The following MALRD1 variants were observed in gnomAD, a reference collection of about 807,000 sequenced individuals.
MALRD1 encodes MAM and LDL-receptor class A domain-containing protein 1.
A neutral mutation model predicts 242.1 loss-of-function variants in MALRD1; 247 were observed. The observed-to-expected ratio is 1.02, with a 90% confidence interval of 0.92 to 1.13. The LOEUF is 1.13. Ranked by LOEUF, MALRD1 falls within the 50% of genes most tolerant of loss-of-function variation. The pLI is 0.00. For synonymous variants in MALRD1, 995 were observed against 866.6 expected, an observed-to-expected ratio of 1.15 and a Z score of -2.60; for missense variants, 2,989 against 2,533.1, an observed-to-expected ratio of 1.18 and a Z score of -3.86.
At chr10:19,498,786 C>T in intron 31 of MALRD1, 140 bp downstream of exon 31, 1 of 1,011,678 alleles carries the variant, frequency 9.9e-7, no homozygotes, top group Non-Finnish European at 1.4e-6. Context: ...GAGGGCTAGT[C>T]TCTTCTATTG....
chr10:19,283,812 T>C (rs147859293), intron 21 of MALRD1, among the ~76,000 whole-genome samples: 49 of 152,360 alleles, frequency 3.2e-4, no homozygotes, highest in African/African-American at 1.1e-3. Flanking sequence ...AATTTCACGT[T>C]ATCTCAATAT....
intron 31 of MALRD1, among the ~76,000 whole-genome samples, chr10:19,507,567 A>G (rs1433209537): frequency 6.6e-6 from 1 of 152,190 alleles, no homozygotes. Flanking sequence ...CTGAAACATA[A>G]CAAAGAATAT....
rs1399531251 is a variant in MALRD1 at position 19,734,362 on chromosome 10, A to G, written c.*125A>G. 9 of 741,964 alleles carry G rather than the reference A, an allele frequency of 1.2e-5. No individual in the cohort carries two copies. The highest frequency in any genetic ancestry group is 1.9e-5 in the Non-Finnish European group (9 of 476,692). The allele number at this position is 741,964 out of a possible 1,614,324, so 46.0% of individuals were successfully genotyped here. ...AAGGATTGTAAATGCCAGTGTAATT[A>G]TAACATTTATGAATGAATTTTCTTG... On this transcript the variant is annotated 3_prime_UTR_variant, in exon 40 of 40. Coordinates refer to ENST00000454679, the MANE Select transcript of MALRD1 (RefSeq NM_001142308.3).
intron 19 of MALRD1, among the ~76,000 whole-genome samples, chr10:19,263,670 A>C (rs939872419): frequency 1.1e-4 from 17 of 152,102 alleles, no homozygotes; most frequent in African/African-American, 3.9e-4. Context: ...CCATTTCTTT[A>C]ATACCACTTA....
intron 5 of MALRD1, among the ~76,000 whole-genome samples, chr10:19,120,318 G>C (rs577224945): frequency 1.3e-5 from 2 of 152,096 alleles, no homozygotes; most frequent in Non-Finnish European, 2.9e-5. Context: ...GGAGGGATCA[G>C]CTCTGTCCAA....
chr10:19,538,572 C>T (rs999168024), intron 32 of MALRD1, among the ~76,000 whole-genome samples: 1 of 152,130 alleles, frequency 6.6e-6, no homozygotes, highest in African/African-American at 2.4e-5. Flanking sequence ...AGCTATTCAG[C>T]TTCCTAGCTT....
chr10:19,625,673 C>T (rs1485874683), intron 36 of MALRD1, among the ~76,000 whole-genome samples: 1 of 152,120 alleles, frequency 6.6e-6, no homozygotes, highest in African/African-American at 2.4e-5. Flanking sequence ...ACCTTCTCTG[C>T]CATGATGAAG....
intron 28 of MALRD1, among the ~76,000 whole-genome samples, chr10:19,434,588 T>C (rs1225152023): frequency 6.6e-6 from 1 of 152,000 alleles, no homozygotes; most frequent in Non-Finnish European, 1.5e-5. Flanking sequence ...TTATATATAT[T>C]AATCTAGATT....
Position 19,104,034 on chromosome 10 carries a change from TTGA to T in MALRD1, c.658_660del (p.Asp220del). The T allele has an allele frequency of 8.1e-7, 1 of 1,233,896 alleles. No individual in the cohort carries two copies. Among genetic ancestry groups the T allele is most frequent in the Non-Finnish European group, 1.0e-6 (1 of 988,114 alleles). The allele number at this position is 1,233,896 out of a possible 1,614,324, so 76.4% of individuals were successfully genotyped here. A position where few individuals can be genotyped will look rare whatever the true frequency, so the allele number is the denominator to read the frequency against. On this transcript the variant is annotated inframe_deletion, in exon 5 of 40. Transcript: ENST00000454679. ...TATGAACAGGATGAAGTCATTGCTATTGATGATATATCTTTCAGTTCAGGCTGC... is the reference window on the plus strand; with the variant it reads ...TATGAACAGGATGAAGTCATTGCTATTGATATATCTTTCAGTTCAGGCTGC...
At chr10:19,178,049 C>A (rs778896931) in intron 14 of MALRD1, among the ~76,000 whole-genome samples, 2 of 152,008 alleles carry the variant, frequency 1.3e-5, no homozygotes, top group East Asian at 1.9e-4. Context: ...GAGCTCTTAC[C>A]GAGGCAAAAG....
Position 19,257,757 on chromosome 10 carries a change from G to T in MALRD1, c.3065G>T (p.Cys1022Phe). The T allele has an allele frequency of 6.5e-7, 1 of 1,535,864 alleles. No individual in the cohort carries two copies. The highest frequency in any genetic ancestry group is 1.2e-5 in the South Asian group (1 of 81,332). The part of the protein sequence containing the change: ...IAIDDLSFMD[C>F]TLYPGNLPAD... ...ATTGATGATCTGTCATTTATGGACT[G>T]CACCCTCTACCCTGGTAAGAGAGAA... Residue 1022 changes from cysteine (C) to phenylalanine (F), a missense_variant, in exon 19 of 40, where the codon TGC becomes TTC. Transcript: ENST00000454679.
intron 32 of MALRD1, among the ~76,000 whole-genome samples, chr10:19,549,516 A>G (rs75102415): frequency 0.015 from 2,297 of 152,260 alleles, 57 homozygotes; most frequent in African/African-American, 0.053. Context: ...CAGCAAGATT[A>G]TGACTTGAAG....
intron 32 of MALRD1, among the ~76,000 whole-genome samples, chr10:19,532,385 G>C (rs578036203): frequency 6.6e-6 from 1 of 152,210 alleles, no homozygotes; most frequent in East Asian, 1.9e-4. Context: ...ATCCTGAGTA[G>C]CTGGGATCAC....
intron 18 of MALRD1, among the ~76,000 whole-genome samples, chr10:19,247,590 A>G (rs933342705): frequency 5.3e-5 from 8 of 152,008 alleles, no homozygotes; most frequent in Non-Finnish European, 5.9e-5. Flanking sequence ...TTAATGTTCA[A>G]CATACCCTCA....
At chr10:19,569,333 C>T (rs542928141) in intron 33 of MALRD1, among the ~76,000 whole-genome samples, 4 of 151,926 alleles carry the variant, frequency 2.6e-5, no homozygotes, top group Non-Finnish European at 5.9e-5. Context: ...TTCTCCCTGG[C>T]ATGTTCTTTA....
chr10:19,299,046 A>G lies in MALRD1; in HGVS notation c.3419+15865A>G, dbSNP rs1328276381. On this transcript the variant is annotated intron_variant, in intron 21 of 39. Coordinates refer to ENST00000454679, the MANE Select transcript of MALRD1 (RefSeq NM_001142308.3). ...AAATTTGTCATCAGCAGGCTTCTAC[A>G]AAAGAGATGTCTACAACCGGAAGGA... Among the ~76,000 whole-genome samples, 7 of 151,990 alleles carry G rather than the reference A, an allele frequency of 4.6e-5. No homozygotes were observed. The East Asian group carries it at 1.2e-3, about 25-fold the overall frequency.
At chr10:19,275,901 A>G (rs967251581) in intron 19 of MALRD1, among the ~76,000 whole-genome samples, 1 of 152,202 alleles carries the variant, frequency 6.6e-6, no homozygotes, top group Non-Finnish European at 1.5e-5. Flanking sequence ...TGTGAAGAAT[A>G]GGAAAACATG....
At chr10:19,136,138 G>A (rs968087245) in intron 9 of MALRD1, among the ~76,000 whole-genome samples, 7 of 152,132 alleles carry the variant, frequency 4.6e-5, no homozygotes, top group Non-Finnish European at 7.3e-5. Context: ...AAATAAGTCA[G>A]ATGCAGTTAC....
chr10:19,261,463 G>T (rs1265440857), intron 19 of MALRD1, among the ~76,000 whole-genome samples: 2 of 138,824 alleles, frequency 1.4e-5, no homozygotes. Flanking sequence ...AAAAAAAAAT[G>T]TTACTCTTGA....
Sources: allele counts gnomAD v4.1 joint callset (sites outside exome capture counted in the v4.1 genomes callset), GRCh38; gene constraint gnomAD v4.1.1; transcripts MANE v1.5; gene names NCBI Gene and HGNC (gene_info 2026-07-23, HGNC 2026-07-21).